KIF13A: variants seen among roughly 807,000 people sequenced by gnomAD.
KIF13A encodes the protein kinesin family member 13A, also known as kinesin-like protein KIF13A.
In KIF13A, 79 loss-of-function variants were observed where a neutral mutation model predicts 212.2. That is an observed-to-expected ratio of 0.37 (90% CI 0.31 to 0.45). The LOEUF (loss-of-function observed/expected upper bound fraction) is 0.45. Among genes scored for constraint, KIF13A ranks in the 20% least tolerant of loss-of-function variants. The pLI, the probability that KIF13A is intolerant of heterozygous loss-of-function variation, is 1.00. For missense variants in KIF13A, 1,901 were observed against 2,209.0 expected (o/e 0.86, Z 2.79); for synonymous variants, 789 against 808.6 (o/e 0.98, Z 0.41).
In KIF13A at chr6:17,811,850, T is replaced by G. The variant is rs1763457657; in HGVS notation, c.2001-2920A>C. Among the ~76,000 whole-genome samples, 1 of 151,334 alleles carries G rather than the reference T, an allele frequency of 6.6e-6. No homozygotes were observed. Among genetic ancestry groups the G allele is most frequent in the South Asian group, 2.1e-4 (1 of 4,778 alleles). ...CCCTCCCTTTTTCTTTCTTTCCTTC[T>G]CTCTCTCTCTTTTTCTTGGAGATAG... On this transcript the variant is annotated intron_variant, in intron 17 of 38. Transcript: ENST00000259711. This position sits in a 1 kb window ranked among gnomAD's most constrained non-coding sequence, Gnocchi z 6.0.
chr6:17,787,951 G>A lies in KIF13A; in HGVS notation c.3262-76C>T. 1 of 862,746 alleles carries A rather than the reference G, an allele frequency of 1.2e-6. No homozygotes were observed. The highest frequency in any genetic ancestry group is 1.9e-6 in the Non-Finnish European group (1 of 523,062). 53.4% of individuals were successfully genotyped at this position (862,746 alleles called of 1,614,324 possible). ...TTCTTTCTTTCTTTTTTTAAAAGATGTTTAAATCAACTAGGAAATTTTTCA... is the reference window on the plus strand; with the variant it reads ...TTCTTTCTTTCTTTTTTTAAAAGATATTTAAATCAACTAGGAAATTTTTCA... On this transcript the variant is annotated intron_variant, in intron 26 of 38. Coordinates refer to ENST00000259711, the MANE Select transcript of KIF13A (RefSeq NM_022113.6). The surrounding 1 kb of genome is among the most constrained non-coding windows in gnomAD (Gnocchi z 4.6).
rs777857844 is a variant in KIF13A, at chr6:17,771,154, C to CTGCT, written c.4537_4540dup (p.Ser1514LysfsTer9). On this transcript the variant is annotated frameshift_variant, in exon 38 of 39. Coordinates refer to ENST00000259711, the MANE Select transcript of KIF13A (RefSeq NM_022113.6). LOFTEE classifies it low-confidence loss of function (END_TRUNC). The surrounding 1 kb of genome is among the most constrained non-coding windows in gnomAD (Gnocchi z 5.4). Reference sequence around the variant, plus strand: ...TTTGCTATTGTGTTCTACTGGCATGCTGCTGCCATTGCTTCCTGAGGGTAC... The same window carrying CTGCT: ...TTTGCTATTGTGTTCTACTGGCATGCTGCTTGCTGCCATTGCTTCCTGAGGGTAC... The CTGCT allele has an allele frequency of 6.2e-7, 1 of 1,613,268 alleles. No individual in the cohort carries two copies. Among genetic ancestry groups the CTGCT allele is most frequent in the East Asian group, 2.2e-5 (1 of 44,886 alleles).
intron 7 of KIF13A, among the ~76,000 whole-genome samples, chr6:17,851,344 G>GT (rs1767627428): frequency 6.6e-6 from 1 of 152,198 alleles, no homozygotes; most frequent in South Asian, 2.1e-4. Flanking sequence ...ACAGCACAAA[G>GT]TAAGTGCAGG....
chr6:17,942,229 G>T (rs899448930), intron 2 of KIF13A, among the ~76,000 whole-genome samples: 3 of 151,920 alleles, frequency 2.0e-5, no homozygotes, highest in African/African-American at 7.3e-5. Flanking sequence ...TTGAGCCCAG[G>T]AAGTCCAGAT....
rs965378903 is a variant in KIF13A, at chr6:17,914,026, G to A, written c.147-15846C>T. Among the ~76,000 whole-genome samples, 2 of 152,042 alleles carry A rather than the reference G, an allele frequency of 1.3e-5. No homozygotes were observed. Among genetic ancestry groups the A allele is most frequent in the South Asian group, 2.1e-4 (1 of 4,810 alleles). Reference sequence around the variant, plus strand: ...CCTTCCTTTAGAGGTCACATGCCACGATACCTCCCTCCCCTCAACACTTAC... The same window carrying A: ...CCTTCCTTTAGAGGTCACATGCCACAATACCTCCCTCCCCTCAACACTTAC... On this transcript the variant is annotated intron_variant, in intron 2 of 38. Coordinates refer to ENST00000259711, the MANE Select transcript of KIF13A (RefSeq NM_022113.6). The surrounding 1 kb of genome is among the most constrained non-coding windows in gnomAD (Gnocchi z 5.9).
chr6:17,812,748 T>C (rs1763539736), intron 17 of KIF13A: 4 of 152,220 alleles, frequency 2.6e-5, no homozygotes, highest in African/African-American at 9.6e-5. Context: ...TTTAAAAAAT[T>C]GCCGCATTGC....
chr6:17,892,272 A>T lies in KIF13A; in HGVS notation c.159+5896T>A, dbSNP rs1391028497. On this transcript the variant is annotated intron_variant, in intron 3 of 38. Coordinates refer to ENST00000259711, the MANE Select transcript of KIF13A (RefSeq NM_022113.6). The surrounding 1 kb of genome is among the most constrained non-coding windows in gnomAD (Gnocchi z 4.7). ...TTAGCATCAAAGTCCTGGTTACTTT[A>T]TTTCTGTAATGTTTTCGTAATTCTT... 1.1e-4 allele frequency among the ~76,000 whole-genome samples: 16 copies of T among 152,128 alleles called. No homozygotes were observed. Among genetic ancestry groups the T allele is most frequent in the Admixed American group, 9.8e-4 (15 of 15,276 alleles).
rs931048451 is a variant in KIF13A at position 17,838,841 on chromosome 6, A to C, written c.831-1258T>G. 2.0e-5 allele frequency among the ~76,000 whole-genome samples: 3 copies of C among 151,966 alleles called. No homozygotes were observed. The highest frequency in any genetic ancestry group is 7.2e-5 in the African/African-American group (3 of 41,382). On this transcript the variant is annotated intron_variant, in intron 9 of 38. Coordinates refer to ENST00000259711, the MANE Select transcript of KIF13A (RefSeq NM_022113.6). The surrounding 1 kb of genome is among the most constrained non-coding windows in gnomAD (Gnocchi z 4.2). The stretch of plus-strand genomic sequence containing the variant: ...TTGTTTGTTTGTTTTTTGAGATGGA[A>C]TCTCGCTCTGTCACCCAGGCTGGAG...
chr6:17,779,691 GAAAA>G lies in KIF13A; in HGVS notation c.3847-11_3847-8del. 1 of 791,656 alleles carries G rather than the reference GAAAA, an allele frequency of 1.3e-6. No homozygotes were observed. The highest frequency in any genetic ancestry group is 1.9e-6 in the Non-Finnish European group (1 of 529,040). 49.0% of individuals were successfully genotyped at this position (791,656 alleles called of 1,614,324 possible). A position where few individuals can be genotyped will look rare whatever the true frequency, so the allele number is the denominator to read the frequency against. On this transcript the variant is annotated splice_region_variant and splice_polypyrimidine_tract_variant and intron_variant, in intron 31 of 38. Coordinates refer to ENST00000259711, the MANE Select transcript of KIF13A (RefSeq NM_022113.6). ...TCAAACTCTGCGTGAAACTCTAGTA[GAAAA>G]AAAAAAAAGCTGTATTAAGCTATGT...
chr6:17,777,773 A>G lies in KIF13A; in HGVS notation c.4093-419T>C, dbSNP rs540006458. On this transcript the variant is annotated intron_variant, in intron 33 of 38. Coordinates refer to ENST00000259711, the MANE Select transcript of KIF13A (RefSeq NM_022113.6). This position sits in a 1 kb window ranked among gnomAD's most constrained non-coding sequence, Gnocchi z 4.4. ...CTGCATCAGTTCTACATACATACAC[A>G]TTTATAAAACTGAAATATTATTTTA... Among the ~76,000 whole-genome samples, 308 of 152,290 alleles carry G rather than the reference A, an allele frequency of 2.0e-3. 1 individual carries two copies. The highest frequency in any genetic ancestry group is 2.6e-3 in the Non-Finnish European group (177 of 68,030).
Position 17,987,245 on chromosome 6 carries a change from C to A in KIF13A, c.56-101G>T. 9.6e-7 allele frequency: 1 copy of A among 1,039,516 alleles called. No homozygotes were observed. Among genetic ancestry groups the A allele is most frequent in the South Asian group, 2.5e-5 (1 of 39,368 alleles). 64.4% of individuals were successfully genotyped at this position (1,039,516 alleles called of 1,614,324 possible). A position where few individuals can be genotyped will look rare whatever the true frequency, so the allele number is the denominator to read the frequency against. ...AGCGGGGCTCCGTCCCTGGAGGCGG[C>A]CGAGCCTGGAGACGGCGCCCCGGGC... is the stretch of plus-strand genomic sequence containing the variant. On this transcript the variant is annotated intron_variant, in intron 1 of 38. Transcript: ENST00000259711. This position sits in a 1 kb window ranked among gnomAD's most constrained non-coding sequence, Gnocchi z 7.7.
At position 17,987,276 on chromosome 6, in the gene KIF13A, G is replaced by A; in HGVS notation, c.56-132C>T. 1.2e-6 allele frequency: 1 copy of A among 847,412 alleles called. No homozygotes were observed. Among genetic ancestry groups the A allele is most frequent in the Non-Finnish European group, 1.5e-6 (1 of 647,554 alleles). The allele number at this position is 847,412 out of a possible 1,614,324, so 52.5% of individuals were successfully genotyped here. On this transcript the variant is annotated intron_variant, in intron 1 of 38. Coordinates refer to ENST00000259711, the MANE Select transcript of KIF13A (RefSeq NM_022113.6). This position sits in a 1 kb window ranked among gnomAD's most constrained non-coding sequence, Gnocchi z 7.7. The stretch of plus-strand genomic sequence containing the variant: ...CTGGAGACGGCGCCCCGGGCACCAC[G>A]GCCAGCGCGGACGCCGCCTCCGCCC...
chr6:17,782,597 T>C (rs550102165), intron 29 of KIF13A, among the ~76,000 whole-genome samples: 1 of 151,830 alleles, frequency 6.6e-6, no homozygotes, highest in East Asian at 1.9e-4. Context: ...ATCATGCCAC[T>C]GTACTCCAGC....
At chr6:17,867,327 G>A (rs941017414) in intron 4 of KIF13A, among the ~76,000 whole-genome samples, 3 of 152,166 alleles carry the variant, frequency 2.0e-5, no homozygotes, top group Non-Finnish European at 4.4e-5. Context: ...ACAAAAATCT[G>A]GGAGGATTTG....
rs890220205 is a variant in KIF13A at position 17,918,108 on chromosome 6, C to G, written c.147-19928G>C. Among the ~76,000 whole-genome samples the G allele has an allele frequency of 1.3e-5, 2 of 151,968 alleles. No homozygotes were observed. The highest frequency in any genetic ancestry group is 4.8e-5 in the African/African-American group (2 of 41,376). ...TTTACAGAGCTGCACCAACAGGATGCCTAGGTCTGCCCTGCTTGGTGTCAT... is the reference window on the plus strand; with the variant it reads ...TTTACAGAGCTGCACCAACAGGATGGCTAGGTCTGCCCTGCTTGGTGTCAT... On this transcript the variant is annotated intron_variant, in intron 2 of 38. Coordinates refer to ENST00000259711, the MANE Select transcript of KIF13A (RefSeq NM_022113.6). The surrounding 1 kb of genome is among the most constrained non-coding windows in gnomAD (Gnocchi z 4.8).
At chr6:17,877,635 C>T (rs1267192156) in intron 3 of KIF13A, among the ~76,000 whole-genome samples, 1 of 152,146 alleles carries the variant, frequency 6.6e-6, no homozygotes, top group Admixed American at 6.5e-5. Flanking sequence ...CTTTAAACAG[C>T]CAATAGAGGC....
At chr6:17,936,847 A>C (rs1776514503) in intron 2 of KIF13A, among the ~76,000 whole-genome samples, 1 of 152,224 alleles carries the variant, frequency 6.6e-6, no homozygotes, top group Admixed American at 6.5e-5. Flanking sequence ...CCTTTGAAAA[A>C]AAAATGAGTA....
intron 9 of KIF13A, among the ~76,000 whole-genome samples, chr6:17,841,247 T>C (rs1211718277): frequency 1.3e-5 from 2 of 151,958 alleles, no homozygotes; most frequent in African/African-American, 2.4e-5. Flanking sequence ...TAATGTTTTG[T>C]AGAGAAGGGG....
chr6:17,957,714 T>C (rs1438194960), intron 2 of KIF13A, among the ~76,000 whole-genome samples: 1 of 152,162 alleles, frequency 6.6e-6, no homozygotes, highest in Non-Finnish European at 1.5e-5. Flanking sequence ...TGTTCACTGC[T>C]TGTTGGTGGG....
Sources: allele counts gnomAD v4.1 joint callset (sites outside exome capture counted in the v4.1 genomes callset), GRCh38; gene constraint gnomAD v4.1.1; non-coding constraint Gnocchi (gnomAD v3.1); transcripts MANE v1.5; gene names NCBI Gene and HGNC (gene_info 2026-07-23, HGNC 2026-07-21).